The following CDH12 variants were observed in gnomAD, a reference collection of about 807,000 sequenced individuals.
The protein encoded by CDH12 is cadherin-12.
Under a neutral mutation model 74.1 loss-of-function variants are expected in CDH12, and 41 were observed. The ratio of observed to expected loss-of-function variants is 0.55; its 90% CI spans 0.43 to 0.72. The LOEUF (loss-of-function observed/expected upper bound fraction) is 0.72, where lower values mean the gene tolerates loss of function less well. Among genes scored for constraint, CDH12 ranks in the 30% least tolerant of loss-of-function variants. The pLI is 0.00. For synonymous variants in CDH12, 399 were observed against 355.0 expected (o/e 1.12, Z -1.39); for missense variants, 945 against 977.2 (o/e 0.97, Z 0.44).
intron 5 of CDH12, among the ~76,000 whole-genome samples, chr5:22,019,058 TC>T (rs755226810): frequency 1.5e-3 from 24 of 16,070 alleles, no homozygotes; most frequent in Non-Finnish European, 5.5e-3. Flanking sequence ...AGACTGTGTC[TC>T]AAAAAAAAAA....
rs1752442588 is a variant in CDH12, at chr5:21,883,084, CT to C, written c.527-28295del. The C allele has an allele frequency of 2.1e-5, 33 of 1,607,640 alleles. No individual in the cohort carries two copies. The South Asian group carries it at 3.4e-4, about 17-fold the overall frequency. ...AAGCAGTCTAAACCTGTGACCACCC[CT>C]GAAGAAATTGCACAGGTTGCTATGA... On this transcript the variant is annotated intron_variant, in intron 6 of 14. Transcript: ENST00000382254.
intron 2 of CDH12, among the ~76,000 whole-genome samples, chr5:22,421,283 C>T (rs947495061): frequency 2.6e-5 from 4 of 152,088 alleles, no homozygotes; most frequent in African/African-American, 9.7e-5. Flanking sequence ...TGGTTTGCTG[C>T]ACCCATCAAT....
At chr5:22,448,773 C>T (rs1306107950) in intron 2 of CDH12, among the ~76,000 whole-genome samples, 1 of 151,838 alleles carries the variant, frequency 6.6e-6, no homozygotes, top group Admixed American at 6.6e-5. Flanking sequence ...ATATTTCCTA[C>T]TATTTTTTTC....
At chr5:22,661,443 A>G (rs1025834951) in intron 1 of CDH12, among the ~76,000 whole-genome samples, 4 of 152,188 alleles carry the variant, frequency 2.6e-5, no homozygotes, top group African/African-American at 9.6e-5. Flanking sequence ...AAATAAACAT[A>G]TTCTTTCTGC....
At chr5:21,932,086 G>C (rs1388465538) in intron 6 of CDH12, among the ~76,000 whole-genome samples, 1 of 152,082 alleles carries the variant, frequency 6.6e-6, no homozygotes, top group Non-Finnish European at 1.5e-5. Context: ...ACAACATTAG[G>C]ATACTCTACA....
At chr5:21,865,561 G>T (rs1751281328) in intron 6 of CDH12, among the ~76,000 whole-genome samples, 1 of 151,954 alleles carries the variant, frequency 6.6e-6, no homozygotes, top group Admixed American at 6.6e-5. Context: ...AACTATCTAG[G>T]GACTCTGCTT....
chr5:22,597,622 T>C (rs779435847), intron 1 of CDH12, among the ~76,000 whole-genome samples: 4 of 152,334 alleles, frequency 2.6e-5, no homozygotes, highest in African/African-American at 7.2e-5. Flanking sequence ...GTTTCACTTA[T>C]ATTTTGTTCA....
rs185539017 is a variant in CDH12, at chr5:22,587,025, G to A, written c.-522-81661C>T. Among the ~76,000 whole-genome samples the A allele has an allele frequency of 1.9e-3, 287 of 151,774 alleles. 1 individual carries two copies. Among genetic ancestry groups the A allele is most frequent in the African/African-American group, 6.6e-3 (273 of 41,394 alleles). On this transcript the variant is annotated intron_variant, in intron 1 of 14. Transcript: ENST00000382254. ...TAATTTTTGTATTTTTAATAGAGAT[G>A]GGGTTTCACCATGTTGACCAGGCTG...
At chr5:22,662,532 C>A (rs1258502057) in intron 1 of CDH12, among the ~76,000 whole-genome samples, 4 of 152,136 alleles carry the variant, frequency 2.6e-5, no homozygotes, top group Admixed American at 2.6e-4. Flanking sequence ...TTTTGGCCAA[C>A]ACTTTGTTAA....
chr5:22,701,734 T>C (rs1229565487), intron 1 of CDH12, among the ~76,000 whole-genome samples: 1 of 152,128 alleles, frequency 6.6e-6, no homozygotes, highest in East Asian at 1.9e-4. Context: ...TCAAACACTA[T>C]CTTCTGAAAA....
chr5:22,055,668 A>T (rs1297565027), intron 5 of CDH12, among the ~76,000 whole-genome samples: 1 of 152,152 alleles, frequency 6.6e-6, no homozygotes, highest in Non-Finnish European at 1.5e-5. Context: ...GATCAAAAAA[A>T]TTCACTTAAT....
rs915807551 is a variant in CDH12, at chr5:22,565,936, C to G, written c.-522-60572G>C. Among the ~76,000 whole-genome samples, 4 of 151,758 alleles carry G rather than the reference C, an allele frequency of 2.6e-5. No individual in the cohort carries two copies. In the South Asian group the frequency reaches 8.3e-4, roughly 32 times the overall value. ...AGAGCTTAAACAATACAAAATACAC[C>G]AAGAAAAGATGAGATCTTGGATCCA... On this transcript the variant is annotated intron_variant, in intron 1 of 14. Transcript: ENST00000382254.
At chr5:22,613,437 G>T (rs1737517742) in intron 1 of CDH12, among the ~76,000 whole-genome samples, 1 of 152,020 alleles carries the variant, frequency 6.6e-6, no homozygotes, top group African/African-American at 2.4e-5. Flanking sequence ...GGCATACTCT[G>T]CAGGCTTTCG....
chr5:22,118,956 T>C (rs563645942), intron 4 of CDH12, among the ~76,000 whole-genome samples: 1 of 152,228 alleles, frequency 6.6e-6, no homozygotes, highest in East Asian at 1.9e-4. Flanking sequence ...GGAGTGATAA[T>C]TGCAGTGAAA....
chr5:22,076,991 C>T (rs1742367289), intron 5 of CDH12, among the ~76,000 whole-genome samples: 1 of 152,016 alleles, frequency 6.6e-6, no homozygotes, highest in African/African-American at 2.4e-5. Flanking sequence ...TGAACAGCCC[C>T]TGACTCCTGG....
chr5:21,908,217 G>A (rs1308814769), intron 6 of CDH12, among the ~76,000 whole-genome samples: 1 of 152,194 alleles, frequency 6.6e-6, no homozygotes, highest in African/African-American at 2.4e-5. Context: ...GGCTGCCAGA[G>A]CAATTGGGAA....
chr5:22,845,598 T>C (rs1313670116), intron 1 of CDH12, among the ~76,000 whole-genome samples: 1 of 152,140 alleles, frequency 6.6e-6, no homozygotes. Flanking sequence ...TGAAGTTGGA[T>C]AAGGGTAGAG....
chr5:22,481,773 G>A (rs1272487992), intron 2 of CDH12, among the ~76,000 whole-genome samples: 1 of 152,130 alleles, frequency 6.6e-6, no homozygotes, highest in African/African-American at 2.4e-5. Flanking sequence ...CAGATCTGCT[G>A]TACAACACAG....
intron 1 of CDH12, among the ~76,000 whole-genome samples, chr5:22,810,731 T>C (rs1014152794): frequency 6.6e-6 from 1 of 151,932 alleles, no homozygotes; most frequent in African/African-American, 2.4e-5. Context: ...TAAAACAAAA[T>C]TAACCGGGCC....
Sources: gnomAD v4.1 joint callset for allele counts (sites outside exome capture counted in the v4.1 genomes callset) on GRCh38, gnomAD v4.1.1 for gene constraint, MANE v1.5 for transcripts, NCBI Gene and HGNC (gene_info 2026-07-23, HGNC 2026-07-21) for gene names.